PCSK5: variants seen among roughly 807,000 people sequenced by gnomAD.
The protein encoded by PCSK5 is prohormone convertase 5.
PCSK5 carries 129 observed loss-of-function variants against 233.2 expected under a neutral mutation model. That is an observed-to-expected ratio of 0.55 (90% CI 0.48 to 0.64). PCSK5 has a LOEUF of 0.64. PCSK5 is among the 30% of genes least tolerant of loss of function. PCSK5 has a pLI of 0.00. For synonymous variants in PCSK5, 825 were observed against 879.2 expected (o/e 0.94, Z 1.09); for missense variants, 2,076 against 2,430.1 (o/e 0.85, Z 3.06).
At chr9:76,250,156 G>A (rs947341273) in intron 24 of PCSK5, among the ~76,000 whole-genome samples, 7 of 152,114 alleles carry the variant, frequency 4.6e-5, no homozygotes, top group African/African-American at 1.7e-4. Context: ...ACAAAAATTA[G>A]CTGGGCGTGG....
At chr9:76,193,238 A>C in intron 20 of PCSK5, 2 of 1,613,036 alleles carry the variant, frequency 1.2e-6, no homozygotes, top group African/African-American at 2.7e-5. Flanking sequence ...CTGGAAAAGC[A>C]ACGGAAGAGT....
chr9:75,986,184 A>G lies in PCSK5; in HGVS notation c.350A>G (p.Asp117Gly). ...AAAAAGCGGACAAAGAGGGATTATG[A>G]CTTCAGTCGTGCCCAGTCTACCTAT... is the stretch of plus-strand genomic sequence containing the variant. ...VVKKRTKRDY[D>G]FSRAQSTYFN... The change falls in exon 3 of 38, where the codon GAC becomes GGC. Residue 117 changes from aspartate to glycine, a missense_variant. By Grantham distance (94) the Asp-to-Gly change is moderately conservative. Coordinates refer to ENST00000674117, the MANE Select transcript of PCSK5 (RefSeq NM_001372043.1). 6.2e-7 allele frequency: 1 copy of G among 1,613,952 alleles called. No individual in the cohort carries two copies. Among genetic ancestry groups the G allele is most frequent in the East Asian group, 2.2e-5 (1 of 44,886 alleles).
At chr9:75,906,306 G>A (rs1587341867) in intron 1 of PCSK5, among the ~76,000 whole-genome samples, 1 of 151,982 alleles carries the variant, frequency 6.6e-6, no homozygotes, top group Admixed American at 6.6e-5. Context: ...GCTCACTGCA[G>A]CCTCCGCCTC....
At chr9:75,942,882 CTTCTTTTTT>C (rs1824379686) in intron 2 of PCSK5, among the ~76,000 whole-genome samples, 1 of 112,952 alleles carries the variant, frequency 8.9e-6, no homozygotes, top group Non-Finnish European at 1.8e-5. Context: ...TTTTCTTCTT[CTTCTTTTTT>C]TTTTTTTTTT....
At chr9:76,040,387 C>CTCTCTGTCGCTCTGTCTCTCTG (rs878987184) in intron 5 of PCSK5, among the ~76,000 whole-genome samples, 1 of 39,044 alleles carries the variant, frequency 2.6e-5, no homozygotes, top group Admixed American at 2.9e-4. Context: ...CTCTCTCTGT[C>CTCTCTGTCGCTCTGTCTCTCTG]TCTCTCTCTC....
chr9:76,148,344 T>A (rs1372309807), intron 10 of PCSK5, among the ~76,000 whole-genome samples: 9 of 13,648 alleles, frequency 6.6e-4, no homozygotes, highest in East Asian at 0.026. Flanking sequence ...GGAGGGAGTT[T>A]CTCTCTCCCT....
At chr9:76,005,576 A>G (rs12339682) in intron 3 of PCSK5, among the ~76,000 whole-genome samples, 78,014 of 151,868 alleles carry the variant, frequency 0.51, 20,587 homozygotes, top group African/African-American at 0.63. Flanking sequence ...TATTTAACTA[A>G]CTACCAATGA....
At chr9:76,030,029 G>A (rs1828589614) in intron 5 of PCSK5, among the ~76,000 whole-genome samples, 1 of 151,850 alleles carries the variant, frequency 6.6e-6, no homozygotes, top group Admixed American at 6.6e-5. Context: ...TAGGTAGAGA[G>A]AAACAAATAT....
chr9:75,957,061 C>T (rs1288569166), intron 2 of PCSK5, among the ~76,000 whole-genome samples: 1 of 152,134 alleles, frequency 6.6e-6, no homozygotes, highest in African/African-American at 2.4e-5. Flanking sequence ...GCATCCTACA[C>T]AGAGGGCTGC....
intron 2 of PCSK5, among the ~76,000 whole-genome samples, chr9:75,964,545 G>A (rs1825493116): frequency 6.6e-6 from 1 of 152,218 alleles, no homozygotes; most frequent in African/African-American, 2.4e-5. Flanking sequence ...GGGGCAGCTA[G>A]CACCACCCCA....
chr9:75,921,156 G>A (rs1038214925), intron 1 of PCSK5, among the ~76,000 whole-genome samples: 6 of 152,134 alleles, frequency 3.9e-5, no homozygotes, highest in African/African-American at 1.4e-4. Context: ...GGATGAATTA[G>A]AACAGTAGTT....
At chr9:75,907,624 A>G (rs1487715049) in intron 1 of PCSK5, among the ~76,000 whole-genome samples, 1 of 152,094 alleles carries the variant, frequency 6.6e-6, no homozygotes, top group Non-Finnish European at 1.5e-5. Context: ...TCCGAGAGGC[A>G]AGTCCCAGAT....
At chr9:76,339,428 T>C (rs1323000985) in intron 35 of PCSK5, among the ~76,000 whole-genome samples, 1 of 152,182 alleles carries the variant, frequency 6.6e-6, no homozygotes, top group Non-Finnish European at 1.5e-5. Context: ...GCATTGAATT[T>C]ATTTTGGAGA....
intron 24 of PCSK5, among the ~76,000 whole-genome samples, chr9:76,242,883 C>A (rs931027322): frequency 6.6e-6 from 1 of 152,260 alleles, no homozygotes; most frequent in East Asian, 1.9e-4. Context: ...GTCTACCCAG[C>A]AAGATACACA....
intron 1 of PCSK5, among the ~76,000 whole-genome samples, chr9:75,909,862 G>A (rs961907310): frequency 3.3e-5 from 5 of 152,174 alleles, no homozygotes; most frequent in African/African-American, 1.2e-4. Flanking sequence ...TATATTTGGT[G>A]TTGAGCATGG....
chr9:76,303,170 A>T (rs1828671860), intron 28 of PCSK5, among the ~76,000 whole-genome samples: 1 of 152,116 alleles, frequency 6.6e-6, no homozygotes. Context: ...TCTGGTGGAC[A>T]TATGAAGACA....
chr9:75,951,888 T>C (rs1824876767), intron 2 of PCSK5, among the ~76,000 whole-genome samples: 1 of 152,174 alleles, frequency 6.6e-6, no homozygotes, highest in Admixed American at 6.5e-5. Context: ...TCCATCGCAG[T>C]TGTGGATTTT....
rs1363360444 is a variant in PCSK5, at chr9:76,338,280, G to T, written c.4799G>T (p.Cys1600Phe). 1 of 1,612,536 alleles carries T rather than the reference G, an allele frequency of 6.2e-7. No homozygotes were observed. The highest frequency in any genetic ancestry group is 8.5e-7 in the Non-Finnish European group (1 of 1,179,762). The change falls in exon 35 of 38, where the codon TGC becomes TTC. Residue 1600 changes from cysteine to phenylalanine, a missense_variant. Cys to Phe is a radical substitution (Grantham distance 205, BLOSUM62 -2). This residue lies in a region of PCSK5 where 1,510 missense variants were observed against 1,538.1 expected (regional missense o/e 0.98). Coordinates refer to ENST00000674117, the MANE Select transcript of PCSK5 (RefSeq NM_001372043.1). ...TGRCERCNRS[C>F]KGCQGPRPTD... ...CGGTGTGAGAGGTGCAACAGGAGCT[G>T]CAAGGGGTGCCAGGGCCCACGGCCC...
chr9:76,046,312 G>A (rs1563993124), intron 5 of PCSK5, among the ~76,000 whole-genome samples: 1 of 149,926 alleles, frequency 6.7e-6, no homozygotes, highest in African/African-American at 2.4e-5. Context: ...CAAGTAGCTG[G>A]GATTACAGGC....
Sources: gnomAD v4.1 joint callset for allele counts (sites outside exome capture counted in the v4.1 genomes callset) on GRCh38, gnomAD v4.1.1 for gene constraint, gnomAD v4.1.1 regional missense constraint, MANE v1.5 for transcripts, NCBI Gene and HGNC (gene_info 2026-07-23, HGNC 2026-07-21) for gene names.